The following NAV3 variants were observed in gnomAD, a reference collection of about 807,000 sequenced individuals.
The protein encoded by NAV3 is neuron navigator 3.
In NAV3, 87 loss-of-function variants were observed where a neutral mutation model predicts 244.7. That is an observed-to-expected ratio of 0.36 (90% CI 0.30 to 0.42). The LOEUF (loss-of-function observed/expected upper bound fraction) is 0.42. Ranked by LOEUF, NAV3 falls within the 20% of genes least tolerant of loss-of-function variation. The pLI is 1.00. For missense variants in NAV3, 2,663 were observed against 2,893.3 expected (o/e 0.92, Z 1.83); for synonymous variants, 1,126 against 1,042.2 (o/e 1.08, Z -1.55).
chr12:77,683,725 G>T (rs1874579154), intron 2 of NAV3, among the ~76,000 whole-genome samples: 1 of 152,096 alleles, frequency 6.6e-6, no homozygotes, highest in South Asian at 2.1e-4. Flanking sequence ...GGCTTAGTCT[G>T]CTAAGCATAA....
intron 1 of NAV3, among the ~76,000 whole-genome samples, chr12:77,852,370 A>C (rs1877664122): frequency 6.6e-6 from 1 of 152,084 alleles, no homozygotes; most frequent in Non-Finnish European, 1.5e-5. Context: ...CCCCATCTCT[A>C]CTAAAAATAC....
At position 78,137,438 on chromosome 12, in the gene NAV3, C is replaced by T. The variant is rs1956422540; in HGVS notation, c.4630+73C>T. The T allele has an allele frequency of 2.9e-6, 4 of 1,388,552 alleles. No individual in the cohort carries two copies. In the East Asian group the frequency reaches 9.8e-5, roughly 34 times the overall value. The allele number at this position is 1,388,552 out of a possible 1,614,324, so 86.0% of individuals were successfully genotyped here. On this transcript the variant is annotated intron_variant, in intron 19 of 39. Transcript: ENST00000397909. ...GAGAGGGAAACCATTGTGTCACTCA[C>T]ATCACAAAGATTCCTGAAGAGGAAA...
chr12:78,168,615 C>T (rs1957877460), intron 23 of NAV3, 140 bp from the exon 24 acceptor site: 1 of 576,894 alleles, frequency 1.7e-6, no homozygotes, highest in Non-Finnish European at 3.1e-6. Flanking sequence ...TTAGGTACAG[C>T]TTGACAAGTT....
At chr12:78,191,746 A>G (rs955439172) in intron 34 of NAV3, among the ~76,000 whole-genome samples, 28 of 152,138 alleles carry the variant, frequency 1.8e-4, no homozygotes, top group African/African-American at 2.4e-5. Flanking sequence ...GTCTCCTCAT[A>G]TCTTTATATA....
At chr12:77,726,842 G>A (rs973232215) in intron 2 of NAV3, among the ~76,000 whole-genome samples, 1 of 151,914 alleles carries the variant, frequency 6.6e-6, no homozygotes, top group Non-Finnish European at 1.5e-5. Context: ...AAACTGGCAG[G>A]GGTTTGGTGA....
chr12:78,063,487 T>C (rs1884583955), intron 12 of NAV3, among the ~76,000 whole-genome samples: 1 of 152,286 alleles, frequency 6.6e-6, no homozygotes, highest in East Asian at 1.9e-4. Flanking sequence ...ACAAATATTT[T>C]ATAAACAAAT....
At chr12:77,651,158 T>C (rs1421585104) in intron 2 of NAV3, among the ~76,000 whole-genome samples, 5 of 152,092 alleles carry the variant, frequency 3.3e-5, no homozygotes, top group Admixed American at 3.3e-4. Flanking sequence ...AAAAAAAAAT[T>C]CTACTTTTCA....
intron 2 of NAV3, among the ~76,000 whole-genome samples, chr12:77,656,753 A>G (rs1220865055): frequency 6.6e-6 from 1 of 150,914 alleles, no homozygotes; most frequent in Non-Finnish European, 1.5e-5. Flanking sequence ...ATTATAACAA[A>G]CTATCTCTCA....
At chr12:77,639,852 C>T (rs1336877938) in intron 2 of NAV3, among the ~76,000 whole-genome samples, 1 of 152,132 alleles carries the variant, frequency 6.6e-6, no homozygotes, top group Non-Finnish European at 1.5e-5. Context: ...GCTCTGATGG[C>T]ACAGAAGAGG....
chr12:78,114,796 T>C (rs2138473858), intron 12 of NAV3, among the ~76,000 whole-genome samples: 1 of 152,216 alleles, frequency 6.6e-6, no homozygotes, highest in Non-Finnish European at 1.5e-5. Flanking sequence ...AAATGACAGA[T>C]ATGTGCTATA....
At chr12:78,061,862 G>C (rs1884377682) in intron 12 of NAV3, among the ~76,000 whole-genome samples, 2 of 151,968 alleles carry the variant, frequency 1.3e-5, no homozygotes, top group Admixed American at 6.6e-5. Context: ...CATGTTTCCT[G>C]TCTATTTGTC....
intron 2 of NAV3, among the ~76,000 whole-genome samples, chr12:77,763,625 A>G (rs749169239): frequency 1.3e-5 from 2 of 152,154 alleles, no homozygotes; most frequent in South Asian, 2.1e-4. Context: ...TTAATTATGT[A>G]TGCTTCATTT....
chr12:78,116,940 G>C, intron 13 of NAV3, 36 bp downstream of exon 13: 1 of 1,604,492 alleles, frequency 6.2e-7, no homozygotes. Flanking sequence ...CAGTGTTTCT[G>C]CCAGCTTTTT....
chr12:78,194,925 A>T (rs1959139453), intron 34 of NAV3, among the ~76,000 whole-genome samples: 1 of 152,106 alleles, frequency 6.6e-6, no homozygotes, highest in Non-Finnish European at 1.5e-5. Flanking sequence ...CGCTACAATC[A>T]ATCTTTACAT....
intron 5 of NAV3, among the ~76,000 whole-genome samples, chr12:77,969,657 C>A (rs1444580424): frequency 6.6e-6 from 1 of 152,012 alleles, no homozygotes; most frequent in Non-Finnish European, 1.5e-5. Flanking sequence ...CCAGCCTGGC[C>A]AAGATGGTGA....
At chr12:77,590,687 T>C (rs187592229) in intron 2 of NAV3, among the ~76,000 whole-genome samples, 1 of 152,348 alleles carries the variant, frequency 6.6e-6, no homozygotes, top group East Asian at 1.9e-4. Flanking sequence ...TGGTGGTTAT[T>C]ATTCACACAA....
intron 2 of NAV3, among the ~76,000 whole-genome samples, chr12:77,657,635 C>A (rs531160601): frequency 1.1e-4 from 17 of 152,220 alleles, no homozygotes; most frequent in Non-Finnish European, 2.1e-4. Context: ...GATACCAAAG[C>A]CGGGCAGAGA....
At chr12:78,024,549 A>T (rs1877686645) in intron 9 of NAV3, among the ~76,000 whole-genome samples, 1 of 152,198 alleles carries the variant, frequency 6.6e-6, no homozygotes, top group African/African-American at 2.4e-5. Flanking sequence ...CAAGTAAAAC[A>T]TATATACCCA....
intron 2 of NAV3, among the ~76,000 whole-genome samples, chr12:77,802,561 T>A (rs572324033): frequency 6.6e-6 from 1 of 152,348 alleles, no homozygotes; most frequent in African/African-American, 2.4e-5. Flanking sequence ...ATTCGAGTAA[T>A]TATTCTCTAG....
Sources: gnomAD v4.1 joint callset for allele counts (sites outside exome capture counted in the v4.1 genomes callset) on GRCh38, gnomAD v4.1.1 for gene constraint, MANE v1.5 for transcripts, NCBI Gene and HGNC (gene_info 2026-07-23, HGNC 2026-07-21) for gene names.